Variants in RNF149 observed in about 807,000 individuals in gnomAD.
RNF149 encodes ring finger protein 149, also known as E3 ubiquitin-protein ligase RNF149.
In RNF149, 21 loss-of-function variants were observed where a neutral mutation model predicts 39.0. The observed-to-expected ratio is 0.54, with a 90% CI of 0.38 to 0.77. RNF149 has a LOEUF of 0.77. Ranked by LOEUF, RNF149 falls within the 30% of genes least tolerant of loss-of-function variation. The pLI, the probability that RNF149 is intolerant of heterozygous loss-of-function variation, is 0.00. For missense variants in RNF149, 493 were observed against 534.9 expected (o/e 0.92, Z 0.77); for synonymous variants, 209 against 213.6 (o/e 0.98, Z 0.19).
intron 1 of RNF149, among the ~76,000 whole-genome samples, chr2:101,305,115 C>T (rs1431893699): frequency 6.6e-6 from 1 of 152,088 alleles, no homozygotes; most frequent in Non-Finnish European, 1.5e-5. Flanking sequence ...CTGGGGATTA[C>T]AGGCATGAGC....
chr2:101,276,779 A>C lies in RNF149; in HGVS notation c.*459T>G, dbSNP rs1429475652. On this transcript the variant is annotated 3_prime_UTR_variant, in exon 7 of 7. Coordinates refer to ENST00000295317, the MANE Select transcript of RNF149 (RefSeq NM_173647.4). ...TACAAGTTTCAAGTTCTTAAAAAAAAAACAACAAAAAAAACCTTTCCTCCA... is the reference window on the plus strand; with the variant it reads ...TACAAGTTTCAAGTTCTTAAAAAAACAACAACAAAAAAAACCTTTCCTCCA... The C allele has an allele frequency of 1.0e-6, 1 of 990,012 alleles. No individual in the cohort carries two copies. The highest frequency in any genetic ancestry group is 1.2e-6 in the Non-Finnish European group (1 of 832,564). The allele number at this position is 990,012 out of a possible 1,614,324, so 61.3% of individuals were successfully genotyped here.
intron 6 of RNF149, among the ~76,000 whole-genome samples, chr2:101,280,668 T>C (rs957069506): frequency 1.3e-5 from 2 of 151,922 alleles, no homozygotes; most frequent in Non-Finnish European, 2.9e-5. Context: ...ATAAAATATA[T>C]GACAAAGCCC....
At chr2:101,283,382 T>C (rs1005419467) in intron 5 of RNF149, among the ~76,000 whole-genome samples, 3 of 152,228 alleles carry the variant, frequency 2.0e-5, no homozygotes, top group Non-Finnish European at 4.4e-5. Flanking sequence ...GTCATTTCTT[T>C]GACCCATCCT....
chr2:101,276,584 T>C lies in RNF149; in HGVS notation c.*654A>G. The stretch of plus-strand genomic sequence containing the variant: ...TTATTTGTAGGAAAAAATAAACAGA[T>C]TTCCCTCCCCAACAAGGCGTCACAA... On this transcript the variant is annotated 3_prime_UTR_variant, in exon 7 of 7. Coordinates refer to ENST00000295317, the MANE Select transcript of RNF149 (RefSeq NM_173647.4). The C allele has an allele frequency of 1.0e-6, 1 of 985,702 alleles. No individual in the cohort carries two copies. The highest frequency in any genetic ancestry group is 1.2e-6 in the Non-Finnish European group (1 of 829,912). The allele number at this position is 985,702 out of a possible 1,614,324, so 61.1% of individuals were successfully genotyped here.
chr2:101,307,961 G>C (rs1470174539), intron 1 of RNF149, 168 bp downstream of exon 1: 4 of 985,298 alleles, frequency 4.1e-6, no homozygotes, highest in Non-Finnish European at 4.8e-6. Flanking sequence ...AACAGCGATC[G>C]GGGAGCCGCA....
chr2:101,272,979 G>A (rs574698982), downstream of RNF149: 40 of 1,352,172 alleles, frequency 3.0e-5, no homozygotes, highest in Non-Finnish European at 3.8e-5. Context: ...TTTTGTCATC[G>A]TGTGCCCATG....
At chr2:101,284,053 A>G (rs2104395202) in intron 5 of RNF149, among the ~76,000 whole-genome samples, 1 of 152,334 alleles carries the variant, frequency 6.6e-6, no homozygotes, top group Admixed American at 6.5e-5. Context: ...CATCTAAGCT[A>G]CAGTTTCTGG....
At chr2:101,293,956 G>T in intron 3 of RNF149, 58 bp downstream of exon 3, 1 of 973,790 alleles carries the variant, frequency 1.0e-6, no homozygotes, top group Non-Finnish European at 1.6e-6. Flanking sequence ...AAATAAACAC[G>T]TACAGCATAT....
At chr2:101,303,845 C>T (rs1188513582) in intron 1 of RNF149, among the ~76,000 whole-genome samples, 1 of 152,136 alleles carries the variant, frequency 6.6e-6, no homozygotes, top group Non-Finnish European at 1.5e-5. Flanking sequence ...CCCCTGCCAC[C>T]CAACTCTGGC....
chr2:101,282,639 G>C (rs1036747241), intron 5 of RNF149, among the ~76,000 whole-genome samples: 1 of 152,164 alleles, frequency 6.6e-6, no homozygotes, highest in Non-Finnish European at 1.5e-5. Context: ...ACTGCATTAA[G>C]TCTCAACATT....
At chr2:101,273,457 A>C, downstream of RNF149, 11 of 399,704 alleles carry the variant, frequency 2.8e-5, no homozygotes, top group East Asian at 7.8e-5. Flanking sequence ...TTCAGCAAAA[A>C]CTCTTGTAAT....
chr2:101,281,731 T>G, intron 6 of RNF149, 128 bp downstream of exon 6: 1 of 1,135,814 alleles, frequency 8.8e-7, no homozygotes, highest in Non-Finnish European at 1.3e-6. Flanking sequence ...AAATTTCTGG[T>G]TACTTACTCT....
chr2:101,298,371 G>C (rs986115684), intron 1 of RNF149, among the ~76,000 whole-genome samples: 1 of 152,152 alleles, frequency 6.6e-6, no homozygotes, highest in Non-Finnish European at 1.5e-5. Context: ...GTTGCAGTGA[G>C]CTGAGATCAC....
intron 1 of RNF149, among the ~76,000 whole-genome samples, chr2:101,299,773 T>C (rs1646239735): frequency 6.6e-6 from 1 of 152,228 alleles, no homozygotes; most frequent in African/African-American, 2.4e-5. Flanking sequence ...TATGTCTCAC[T>C]TGAAGCAGGC....
chr2:101,300,204 G>T (rs774713291), intron 1 of RNF149, among the ~76,000 whole-genome samples: 1 of 152,212 alleles, frequency 6.6e-6, no homozygotes, highest in Non-Finnish European at 1.5e-5. Context: ...AGCAAAGGAA[G>T]AGGGTTTCTA....
At chr2:101,271,643 C>CT (rs1243242084), downstream of RNF149, 3 of 148,852 alleles carry the variant, frequency 2.0e-5, no homozygotes, top group Non-Finnish European at 4.5e-5. Flanking sequence ...CTGCAATAAA[C>CT]TTTTTTAAGT....
downstream of RNF149, chr2:101,272,936 A>T (rs1233137512): frequency 7.4e-7 from 1 of 1,351,592 alleles, no homozygotes; most frequent in African/African-American, 1.5e-5. Flanking sequence ...CAATCCTGCT[A>T]CTGAGGTCAG....
intron 1 of RNF149, among the ~76,000 whole-genome samples, chr2:101,303,192 T>G (rs1263155336): frequency 2.0e-5 from 3 of 152,000 alleles, no homozygotes; most frequent in Admixed American, 1.3e-4. Context: ...CTCGGCTCAC[T>G]GCAACCTCTG....
chr2:101,294,802 T>G, intron 2 of RNF149, 129 bp downstream of exon 2: 1 of 803,786 alleles, frequency 1.2e-6, no homozygotes, highest in African/African-American at 1.7e-5. Context: ...TTCCAAAAAG[T>G]CATGTTGAAT....
Sources: gnomAD v4.1 joint callset for allele counts (sites outside exome capture counted in the v4.1 genomes callset) on GRCh38, gnomAD v4.1.1 for gene constraint, MANE v1.5 for transcripts, NCBI Gene and HGNC (gene_info 2026-07-23, HGNC 2026-07-21) for gene names.